The following OCM variants were observed in gnomAD, a reference collection of about 807,000 sequenced individuals.
The protein encoded by OCM is oncomodulin, also known as oncomodulin-1.
In OCM, 18 loss-of-function variants were observed where a neutral mutation model predicts 14.1. That is an observed-to-expected ratio of 1.28 (90% CI 0.88 to 1.89). The LOEUF (loss-of-function observed/expected upper bound fraction) is 1.89, where lower values mean the gene tolerates loss of function less well. OCM is among the 40% of genes most tolerant of loss of function. The pLI, the probability that OCM is intolerant of heterozygous loss-of-function variation, is 0.00. For missense variants in OCM, 140 were observed against 137.6 expected (o/e 1.02, Z -0.09); for synonymous variants, 48 against 51.0 (o/e 0.94, Z 0.25).
At chr7:5,880,077 A>C (rs922267375), upstream of OCM, 1 of 152,142 alleles carries the variant, frequency 6.6e-6, no homozygotes, top group South Asian at 2.1e-4. Context: ...GAAGGATTTT[A>C]ATCTCTGGGA....
rs1342392200 is a variant in OCM, at chr7:5,882,637, C to T, written c.194+12C>T. On this transcript the variant is annotated intron_variant, in intron 2 of 3. Coordinates refer to ENST00000242104, the MANE Select transcript of OCM (RefSeq NM_001097622.2). ...GAAGAAGAGCTTAAGTAAGCTTTGT[C>T]CTGAGTCTGTCTGGTACCCGGCACT... The T allele has an allele frequency of 1.2e-6, 2 of 1,613,842 alleles. No individual in the cohort carries two copies. The highest frequency in any genetic ancestry group is 1.1e-5 in the South Asian group (1 of 91,052).
At chr7:5,884,921 A>G (rs2128607365) in intron 3 of OCM, among the ~76,000 whole-genome samples, 1 of 152,122 alleles carries the variant, frequency 6.6e-6, no homozygotes, top group South Asian at 2.1e-4. Context: ...GGAGTTCAAG[A>G]CTAGACTGAC....
At chr7:5,863,967 A>C in the OCM span, among the ~76,000 whole-genome samples, 6 of 152,128 alleles carry the variant, frequency 3.9e-5, no homozygotes, top group African/African-American at 1.4e-4. Flanking sequence ...GGAGAAGGCA[A>C]GGTCATCTGC....
chr7:5,881,176 G>A (rs13309793), intron 1 of OCM, among the ~76,000 whole-genome samples: 1 of 151,774 alleles, frequency 6.6e-6, no homozygotes, highest in Non-Finnish European at 1.5e-5. Context: ...AAAATTAACC[G>A]GGCGTGGTGG....
At chr7:5,876,499 C>T (rs1490918776), upstream of OCM, among the ~76,000 whole-genome samples, 5 of 152,106 alleles carry the variant, frequency 3.3e-5, no homozygotes, top group South Asian at 2.1e-4. Flanking sequence ...GGTTGGGAAT[C>T]GTATTTTCAA....
the OCM span, among the ~76,000 whole-genome samples, chr7:5,860,552 CGTGTATATATACGT>C: frequency 9.8e-6 from 1 of 101,692 alleles, no homozygotes; most frequent in Non-Finnish European, 1.9e-5. Flanking sequence ...CGTATATATA[CGTGTATATATACGT>C]GTGTATATAT....
At chr7:5,876,090 C>T (rs947775903), upstream of OCM, among the ~76,000 whole-genome samples, 7 of 152,040 alleles carry the variant, frequency 4.6e-5, no homozygotes, top group Admixed American at 1.3e-4. Flanking sequence ...CTGCAACCTC[C>T]ACCTCCCAGG....
intron 2 of OCM, among the ~76,000 whole-genome samples, chr7:5,883,412 G>C (rs112398568): frequency 0.07 from 10,673 of 152,038 alleles, 465 homozygotes; most frequent in South Asian, 0.11. Context: ...AGGCACTGTG[G>C]CTCACACCTA....
At chr7:5,874,117 G>A in the OCM span, among the ~76,000 whole-genome samples, 294 of 150,174 alleles carry the variant, frequency 2.0e-3, 1 homozygote, top group South Asian at 5.1e-3. Flanking sequence ...CCAGCTACTC[G>A]GGAGGCTGAG....
chr7:5,859,919 C>T, the OCM span, among the ~76,000 whole-genome samples: 1 of 152,042 alleles, frequency 6.6e-6, no homozygotes, highest in Non-Finnish European at 1.5e-5. Context: ...AACTCCTGAT[C>T]TTAGGTGATC....
chr7:5,877,510 A>T (rs1383382374), upstream of OCM, among the ~76,000 whole-genome samples: 1 of 151,324 alleles, frequency 6.6e-6, no homozygotes, highest in Non-Finnish European at 1.5e-5. Context: ...AAAAAACATG[A>T]ATCCAGCTTT....
At chr7:5,877,245 C>T (rs950597988), upstream of OCM, among the ~76,000 whole-genome samples, 1 of 152,042 alleles carries the variant, frequency 6.6e-6, no homozygotes, top group Non-Finnish European at 1.5e-5. Flanking sequence ...GGGTGGATCA[C>T]TTGAGTCCAG....
the OCM span, among the ~76,000 whole-genome samples, chr7:5,865,776 G>A: frequency 6.6e-6 from 1 of 152,092 alleles, no homozygotes; most frequent in African/African-American, 2.4e-5. Flanking sequence ...CACATACCCT[G>A]TGCATTTAGA....
the OCM span, among the ~76,000 whole-genome samples, chr7:5,861,389 C>T: frequency 6.6e-6 from 1 of 151,558 alleles, no homozygotes; most frequent in Non-Finnish European, 1.5e-5. Context: ...CCATTGCACT[C>T]CAGCCTGGGC....
At chr7:5,860,699 C>CGTATATATACGT in the OCM span, among the ~76,000 whole-genome samples, 3 of 129,582 alleles carry the variant, frequency 2.3e-5, no homozygotes, top group Non-Finnish European at 4.8e-5. Context: ...TATATTATTA[C>CGTATATATACGT]GTATATATAC....
rs372737553 is a variant in OCM at position 5,882,654 on chromosome 7, C to T, written c.194+29C>T. ...AGCTTTGTCCTGAGTCTGTCTGGTA[C>T]CCGGCACTGCTGAGTGGGCCTGGGG... is the stretch of plus-strand genomic sequence containing the variant. On this transcript the variant is annotated intron_variant, in intron 2 of 3. Coordinates refer to ENST00000242104, the MANE Select transcript of OCM (RefSeq NM_001097622.2). 2.4e-5 allele frequency: 39 copies of T among 1,612,512 alleles called. No individual in the cohort carries two copies. In the African/African-American group the frequency reaches 3.9e-4, roughly 16 times the overall value.
chr7:5,865,732 G>A, the OCM span, among the ~76,000 whole-genome samples: 1 of 152,272 alleles, frequency 6.6e-6, no homozygotes, highest in East Asian at 1.9e-4. Flanking sequence ...GCTGCGACCT[G>A]GAAGTCCCAG....
In OCM at chr7:5,885,767, C is replaced by T. The variant is rs557899736; in HGVS notation, c.305-297C>T. Reference sequence around the variant, plus strand: ...CTGGGACTACAGGCACGTGCCACAACGCTGAGCTAAGTTTTGTATTTTTAG... The same window carrying T: ...CTGGGACTACAGGCACGTGCCACAATGCTGAGCTAAGTTTTGTATTTTTAG... On this transcript the variant is annotated intron_variant, in intron 3 of 3. Coordinates refer to ENST00000242104, the MANE Select transcript of OCM (RefSeq NM_001097622.2). Among the ~76,000 whole-genome samples, 16 of 152,068 alleles carry T rather than the reference C, an allele frequency of 1.1e-4. No homozygotes were observed. In the South Asian group the frequency reaches 3.1e-3, roughly 30 times the overall value.
At chr7:5,882,689 G>A in intron 2 of OCM, 64 bp downstream of exon 2, 1 of 1,584,270 alleles carries the variant, frequency 6.3e-7, no homozygotes, top group Non-Finnish European at 8.6e-7. Context: ...GTGCAGTGGG[G>A]GCCAGGTTGC....
Sources: gnomAD v4.1 joint callset for allele counts (sites outside exome capture counted in the v4.1 genomes callset) on GRCh38, gnomAD v4.1.1 for gene constraint, MANE v1.5 for transcripts, NCBI Gene and HGNC (gene_info 2026-07-23, HGNC 2026-07-21) for gene names.